Variants in COL22A1 observed in about 807,000 individuals in gnomAD.
COL22A1 encodes the protein collagen alpha-1(XXII) chain.
In COL22A1, 221 loss-of-function variants were observed where a neutral mutation model predicts 248.9. The observed-to-expected ratio is 0.89, with a 90% CI of 0.80 to 0.99. COL22A1 has a LOEUF of 0.99. COL22A1 is among the 50% of genes least tolerant of loss of function. The pLI is 0.00. For synonymous variants in COL22A1, 891 were observed against 793.4 expected, an observed-to-expected ratio of 1.12 and a Z score of -2.07; for missense variants, 2,240 against 2,179.0, an observed-to-expected ratio of 1.03 and a Z score of -0.56.
At chr8:138,904,220 T>A (rs1309732823) in intron 1 of COL22A1, among the ~76,000 whole-genome samples, 1 of 152,128 alleles carries the variant, frequency 6.6e-6, no homozygotes, top group Non-Finnish European at 1.5e-5. Flanking sequence ...TATATCTTGT[T>A]TCCTCTTCCT....
intron 7 of COL22A1, among the ~76,000 whole-genome samples, chr8:138,817,716 A>G (rs1324849182): frequency 6.6e-6 from 1 of 152,190 alleles, no homozygotes. Flanking sequence ...CACCACCACC[A>G]TGATAATGTG....
chr8:138,899,613 C>T (rs1814394112), intron 1 of COL22A1, among the ~76,000 whole-genome samples: 1 of 152,020 alleles, frequency 6.6e-6, no homozygotes, highest in Non-Finnish European at 1.5e-5. Context: ...AGCCTCCACC[C>T]CTTGGGTTCA....
intron 18 of COL22A1, 95 bp downstream of exon 18, chr8:138,760,148 C>A (rs907120015): frequency 4.8e-6 from 5 of 1,045,632 alleles, no homozygotes; most frequent in Non-Finnish European, 4.0e-6. Flanking sequence ...AGTTGCCACC[C>A]AGGCCCCTTC....
At chr8:138,600,184 C>T (rs936196526) in intron 60 of COL22A1, among the ~76,000 whole-genome samples, 11 of 152,208 alleles carry the variant, frequency 7.2e-5, no homozygotes, top group African/African-American at 2.2e-4. Context: ...TTATGTGCTA[C>T]TGTGTGTTTG....
chr8:138,664,201 G>GCGCGCGCA (rs1824258890), intron 41 of COL22A1, among the ~76,000 whole-genome samples: 1 of 87,810 alleles, frequency 1.1e-5, no homozygotes, highest in Non-Finnish European at 2.4e-5. Flanking sequence ...GGGTGCGCGC[G>GCGCGCGCA]CGCGCGCGCA....
chr8:138,754,701 A>AG (rs201321085), intron 21 of COL22A1, among the ~76,000 whole-genome samples: 1,692 of 152,338 alleles, frequency 0.011, 33 homozygotes, highest in African/African-American at 0.038. Context: ...AATTCTTAGC[A>AG]GGGGGAGAAA....
chr8:138,894,865 T>C (rs1825293500), intron 1 of COL22A1, among the ~76,000 whole-genome samples: 1 of 152,100 alleles, frequency 6.6e-6, no homozygotes, highest in African/African-American at 2.4e-5. Flanking sequence ...AAGAGTATTG[T>C]ATGGTGTATT....
chr8:138,668,012 A>AT (rs1423985827), intron 41 of COL22A1, among the ~76,000 whole-genome samples: 244 of 152,102 alleles, frequency 1.6e-3, no homozygotes, highest in African/African-American at 2.7e-3. Context: ...AAAAAAAAAA[A>AT]TTTGAAACAT....
intron 10 of COL22A1, among the ~76,000 whole-genome samples, chr8:138,806,561 G>A (rs1406432223): frequency 6.6e-6 from 1 of 152,118 alleles, no homozygotes; most frequent in East Asian, 1.9e-4. Context: ...CAGGAAGAAA[G>A]CATCGCTCAG....
intron 41 of COL22A1, among the ~76,000 whole-genome samples, chr8:138,672,784 G>C (rs1051481219): frequency 2.0e-5 from 3 of 152,202 alleles, no homozygotes; most frequent in Non-Finnish European, 4.4e-5. Flanking sequence ...TGATGCTGCT[G>C]CAGAAATTGC....
chr8:138,620,861 G>C (rs1819724740), intron 52 of COL22A1, among the ~76,000 whole-genome samples: 2 of 152,002 alleles, frequency 1.3e-5, no homozygotes, highest in African/African-American at 4.8e-5. Flanking sequence ...TAAAAATTAA[G>C]CAACAGGCAA....
Position 138,588,846 on chromosome 8 carries a change from T to C in COL22A1, c.*407A>G, listed in dbSNP as rs1816805410. On this transcript the variant is annotated 3_prime_UTR_variant, in exon 65 of 65. Coordinates refer to ENST00000303045, the MANE Select transcript of COL22A1 (RefSeq NM_152888.3). ...TTTTCTTTTGAAGAAAGAGGTAAAT[T>C]TGCCAAGTGTCTGGTCAGGGTTTTG... The C allele has an allele frequency of 1.3e-5, 2 of 155,192 alleles. No homozygotes were observed. The highest frequency in any genetic ancestry group is 4.8e-5 in the African/African-American group (2 of 41,516). The allele number at this position is 155,192 out of a possible 1,614,324, so 9.6% of individuals were successfully genotyped here.
Position 138,636,739 on chromosome 8 carries a change from T to C in COL22A1, c.3555+3A>G, listed in dbSNP as rs1264140921. The C allele has an allele frequency of 1.2e-6, 2 of 1,611,592 alleles. No homozygotes were observed. Among genetic ancestry groups the C allele is most frequent in the East Asian group, 2.2e-5 (1 of 44,848 alleles). ...AATGGTTCCTTATAAAGTAAATTTT[T>C]ACCTGATCACCTTTCTGCCCAACCT... On this transcript the variant is annotated splice_donor_region_variant and intron_variant, in intron 48 of 64. Coordinates refer to ENST00000303045, the MANE Select transcript of COL22A1 (RefSeq NM_152888.3).
At chr8:138,593,141 C>T (rs1191153418) in intron 63 of COL22A1, among the ~76,000 whole-genome samples, 2 of 152,148 alleles carry the variant, frequency 1.3e-5, no homozygotes, top group African/African-American at 4.8e-5. Flanking sequence ...ACGGCATGTT[C>T]TCACTCATAA....
At chr8:138,719,409 C>T (rs1829697008) in intron 27 of COL22A1, among the ~76,000 whole-genome samples, 1 of 152,152 alleles carries the variant, frequency 6.6e-6, no homozygotes, top group Non-Finnish European at 1.5e-5. Context: ...CTGGTACATT[C>T]ATGGGGGCCA....
chr8:138,747,080 A>C (rs991372241), intron 22 of COL22A1, among the ~76,000 whole-genome samples: 1 of 152,224 alleles, frequency 6.6e-6, no homozygotes, highest in African/African-American at 2.4e-5. Flanking sequence ...GATTTAGGTA[A>C]AATAATGGTA....
At chr8:138,614,036 G>T in intron 55 of COL22A1, 116 bp from the exon 56 acceptor site, 1 of 789,620 alleles carries the variant, frequency 1.3e-6, no homozygotes, top group South Asian at 1.5e-5. Context: ...CCAACAAATT[G>T]TCCAGCATGT....
At chr8:138,659,969 T>A (rs765868445) in intron 44 of COL22A1, among the ~76,000 whole-genome samples, 1 of 152,348 alleles carries the variant, frequency 6.6e-6, no homozygotes, top group East Asian at 1.9e-4. Flanking sequence ...GTGCTGCTGT[T>A]GCTCATTTGC....
At chr8:138,823,070 C>T (rs377199410) in intron 6 of COL22A1, among the ~76,000 whole-genome samples, 2 of 152,220 alleles carry the variant, frequency 1.3e-5, no homozygotes, top group Non-Finnish European at 2.9e-5. Flanking sequence ...TACATCTAAA[C>T]CAATGAATCA....
Sources: allele counts gnomAD v4.1 joint callset (sites outside exome capture counted in the v4.1 genomes callset), GRCh38; gene constraint gnomAD v4.1.1; transcripts MANE v1.5; gene names NCBI Gene and HGNC (gene_info 2026-07-23, HGNC 2026-07-21).